The following MUSK variants were observed in gnomAD, a reference collection of about 807,000 sequenced individuals.
MUSK encodes muscle, skeletal receptor tyrosine-protein kinase.
In MUSK, 55 loss-of-function variants were observed where a neutral mutation model predicts 88.7. The ratio of observed to expected loss-of-function variants is 0.62; its 90% confidence interval spans 0.50 to 0.78. The LOEUF (loss-of-function observed/expected upper bound fraction) is 0.78, where lower values mean the gene tolerates loss of function less well. MUSK is among the 30% of genes least tolerant of loss of function. MUSK has a pLI of 0.00. For missense variants in MUSK, 1,015 were observed against 1,074.3 expected, an observed-to-expected ratio of 0.94 and a Z score of 0.77; for synonymous variants, 387 against 391.9, an observed-to-expected ratio of 0.99 and a Z score of 0.15.
chr9:110,724,018 G>A (rs2076851004), intron 5 of MUSK, among the ~76,000 whole-genome samples: 1 of 151,924 alleles, frequency 6.6e-6, no homozygotes, highest in African/African-American at 2.4e-5. Flanking sequence ...GATGGCTTAA[G>A]TGCCATCTTC....
rs569105730 is a variant in MUSK, at chr9:110,798,401, G to T, written c.1928-1905G>T. Among the ~76,000 whole-genome samples, 10 of 152,296 alleles carry T rather than the reference G, an allele frequency of 6.6e-5. No homozygotes were observed. In the South Asian group the frequency reaches 2.1e-3, roughly 32 times the overall value. On this transcript the variant is annotated intron_variant, in intron 14 of 14. Transcript: ENST00000374448. ...AACTAAAGAAATATGCAGAATTTTA[G>T]AATGGGAGTAGGCATTGAATATTAT...
intron 2 of MUSK, among the ~76,000 whole-genome samples, chr9:110,685,131 G>A (rs1212899869): frequency 2.0e-5 from 3 of 151,828 alleles, no homozygotes; most frequent in African/African-American, 7.3e-5. Flanking sequence ...TTATTTTGAG[G>A]CATTTTCCAT....
intron 4 of MUSK, 32 bp downstream of exon 4, chr9:110,695,562 A>G: frequency 6.8e-7 from 1 of 1,479,346 alleles, no homozygotes; most frequent in Non-Finnish European, 9.1e-7. Context: ...ACACATATAT[A>G]AAATGTATTT....
At chr9:110,791,150 G>A (rs1564296260) in intron 14 of MUSK, among the ~76,000 whole-genome samples, 1 of 151,902 alleles carries the variant, frequency 6.6e-6, no homozygotes, top group African/African-American at 2.4e-5. Context: ...ACAGCTCCCA[G>A]CGTGAGCGAC....
intron 1 of MUSK, 95 bp downstream of exon 1, chr9:110,669,078 G>T: frequency 8.7e-7 from 1 of 1,147,550 alleles, no homozygotes; most frequent in Non-Finnish European, 1.3e-6. Flanking sequence ...AGTATGGTGG[G>T]CTTGGGTTTT....
At chr9:110,707,021 G>A (rs1004246331) in intron 5 of MUSK, among the ~76,000 whole-genome samples, 1 of 142,742 alleles carries the variant, frequency 7.0e-6, no homozygotes, top group African/African-American at 2.6e-5. Flanking sequence ...TAGAGAGAGA[G>A]AGAGAGAAAC....
At chr9:110,773,837 C>G (rs1031858428) in intron 9 of MUSK, among the ~76,000 whole-genome samples, 2 of 152,002 alleles carry the variant, frequency 1.3e-5, no homozygotes, top group African/African-American at 4.8e-5. Context: ...ACTTTTGTTC[C>G]TTTGTAAGGA....
chr9:110,723,234 T>TACACAC (rs143582345), intron 5 of MUSK, among the ~76,000 whole-genome samples: 39,923 of 146,564 alleles, frequency 0.27, 5,585 homozygotes, highest in Middle Eastern at 0.38. Flanking sequence ...TACATATACA[T>TACACAC]ACACACACAC....
chr9:110,758,328 A>G (rs1019141799), intron 7 of MUSK, among the ~76,000 whole-genome samples: 3 of 152,216 alleles, frequency 2.0e-5, no homozygotes, highest in African/African-American at 7.2e-5. Flanking sequence ...AGTGAGAATC[A>G]TAACATTTTG....
At position 110,800,370 on chromosome 9, in the gene MUSK, T is replaced by C; in HGVS notation, c.1992T>C (p.Asn664=). Residue 664 remains asparagine, a synonymous_variant, in exon 15 of 15, where the codon AAT becomes AAC. Coordinates refer to ENST00000374448, the MANE Select transcript of MUSK (RefSeq NM_005592.4). The part of the protein sequence containing the change: ...LFEYMAYGDL[N]EFLRSMSPHT... Reference sequence around the variant, plus strand: ...AATACATGGCCTATGGTGACCTCAATGAGTTCCTCCGCAGCATGTCCCCTC... The same window carrying C: ...AATACATGGCCTATGGTGACCTCAACGAGTTCCTCCGCAGCATGTCCCCTC... The C allele has an allele frequency of 1.2e-6, 2 of 1,613,832 alleles. No individual in the cohort carries two copies. Among genetic ancestry groups the C allele is most frequent in the South Asian group, 2.2e-5 (2 of 91,074 alleles).
chr9:110,720,568 A>C (rs2076798004), intron 5 of MUSK, among the ~76,000 whole-genome samples: 1 of 152,126 alleles, frequency 6.6e-6, no homozygotes. Context: ...TGAGCAGACC[A>C]ATAACAAGCA....
chr9:110,681,153 T>TATTA (rs2076130368), intron 1 of MUSK, among the ~76,000 whole-genome samples: 2 of 71,626 alleles, frequency 2.8e-5, no homozygotes, highest in Non-Finnish European at 5.6e-5. Flanking sequence ...CGTTATAATA[T>TATTA]ATATTATAAA....
rs150742766 is a variant in MUSK, at chr9:110,790,539, G to T, written c.1927+2701G>T. Among the ~76,000 whole-genome samples, 1,137 of 152,280 alleles carry T rather than the reference G, an allele frequency of 7.5e-3. 10 individuals carry two copies. The highest frequency in any genetic ancestry group is 0.012 in the Non-Finnish European group (821 of 68,006). On this transcript the variant is annotated intron_variant, in intron 14 of 14. Transcript: ENST00000374448. ...AGGGAATGGAATCTTGGCACTGTTG[G>T]ATGGATTGGCCTTTGTAAAGAGAAT...
intron 1 of MUSK, among the ~76,000 whole-genome samples, chr9:110,680,180 T>C (rs546362320): frequency 1.3e-5 from 2 of 152,256 alleles, no homozygotes; most frequent in African/African-American, 4.8e-5. Context: ...AGCTAACAGT[T>C]ATTTTTACGC....
At chr9:110,692,406 T>C (rs532438562) in intron 3 of MUSK, among the ~76,000 whole-genome samples, 112 of 152,216 alleles carry the variant, frequency 7.4e-4, no homozygotes, top group African/African-American at 2.6e-3. Context: ...AGTCCTGTGC[T>C]CAAGTGATCC....
chr9:110,747,743 A>C lies in MUSK; in HGVS notation c.856A>C (p.Asn286His). Residue 286 changes from asparagine to histidine, a missense_variant, in exon 7 of 15, where the codon AAT becomes CAT. By Grantham distance (68) the Asn-to-His change is moderately conservative (BLOSUM62 1). Transcript: ENST00000374448. ...AGGACTCTACACATGCATAGCTACCAATAAGCATGGGGAGAAGTTCAGTAC... is the reference window on the plus strand; with the variant it reads ...AGGACTCTACACATGCATAGCTACCCATAAGCATGGGGAGAAGTTCAGTAC... ...KPGLYTCIATNKHGEKFSTAK... is the reference protein window; with the variant it reads ...KPGLYTCIATHKHGEKFSTAK... 1 of 1,613,862 alleles carries C rather than the reference A, an allele frequency of 6.2e-7. No individual in the cohort carries two copies. Among genetic ancestry groups the C allele is most frequent in the Non-Finnish European group, 8.5e-7 (1 of 1,179,794 alleles).
chr9:110,723,591 C>A (rs949854957), intron 5 of MUSK, among the ~76,000 whole-genome samples: 4 of 151,978 alleles, frequency 2.6e-5, no homozygotes, highest in Non-Finnish European at 5.9e-5. Flanking sequence ...ACAACAATGT[C>A]AAATTGTTTG....
At chr9:110,749,653 G>C (rs556417427) in intron 7 of MUSK, among the ~76,000 whole-genome samples, 1 of 152,320 alleles carries the variant, frequency 6.6e-6, no homozygotes, top group African/African-American at 2.4e-5. Context: ...GAGAAGTGCG[G>C]CAAGCTGTCA....
At chr9:110,700,067 A>G (rs980501669) in intron 5 of MUSK, among the ~76,000 whole-genome samples, 5 of 152,196 alleles carry the variant, frequency 3.3e-5, no homozygotes, top group African/African-American at 4.8e-5. Context: ...AAGGTATCCT[A>G]TACTTTGGTC....
Sources: gnomAD v4.1 joint callset for allele counts (sites outside exome capture counted in the v4.1 genomes callset) on GRCh38, gnomAD v4.1.1 for gene constraint, MANE v1.5 for transcripts, NCBI Gene and HGNC (gene_info 2026-07-23, HGNC 2026-07-21) for gene names.